Variants in AP1S3 observed in about 807,000 individuals in gnomAD.
AP1S3 encodes the protein adaptor related protein complex 1 subunit sigma 3, also known as AP-1 complex subunit sigma-3.
Under a neutral mutation model 20.9 loss-of-function variants are expected in AP1S3, and 10 were observed. The ratio of observed to expected loss-of-function variants is 0.48; its 90% CI spans 0.29 to 0.81. The LOEUF is 0.81. Among genes scored for constraint, AP1S3 ranks in the 30% least tolerant of loss-of-function variants. The pLI, the probability that AP1S3 is intolerant of heterozygous loss-of-function variation, is 0.08. For synonymous variants in AP1S3, 41 were observed against 61.5 expected, an observed-to-expected ratio of 0.67 and a Z score of 1.56; for missense variants, 154 against 183.8, an observed-to-expected ratio of 0.84 and a Z score of 0.94.
At chr2:223,791,748 G>T (rs1051544730) in intron 1 of AP1S3, among the ~76,000 whole-genome samples, 1 of 152,152 alleles carries the variant, frequency 6.6e-6, no homozygotes, top group Non-Finnish European at 1.5e-5. Context: ...AACTATCTTT[G>T]TTTGCAAATG....
chr2:223,779,258 A>G (rs1464934183), intron 1 of AP1S3, among the ~76,000 whole-genome samples: 1 of 152,192 alleles, frequency 6.6e-6, no homozygotes, highest in Non-Finnish European at 1.5e-5. Flanking sequence ...AAAACCTTGG[A>G]AGGTACAGTA....
chr2:223,830,428 G>A (rs1367922381), intron 1 of AP1S3, among the ~76,000 whole-genome samples: 5 of 148,960 alleles, frequency 3.4e-5, no homozygotes, highest in African/African-American at 1.2e-4. Context: ...GCAGTGAGCC[G>A]AGATTACGCC....
At chr2:223,784,919 T>C (rs1206871115) in intron 1 of AP1S3, among the ~76,000 whole-genome samples, 1 of 152,212 alleles carries the variant, frequency 6.6e-6, no homozygotes, top group Non-Finnish European at 1.5e-5. Context: ...AGGCATTAGA[T>C]GTTTACTACA....
At chr2:223,790,660 T>A (rs1691195938) in intron 1 of AP1S3, among the ~76,000 whole-genome samples, 1 of 152,198 alleles carries the variant, frequency 6.6e-6, no homozygotes, top group African/African-American at 2.4e-5. Flanking sequence ...AGATAGTATA[T>A]ATTTATGGTA....
Position 223,776,231 on chromosome 2 carries a change from T to A in AP1S3, c.183-222A>T, listed in dbSNP as rs1690781767. ...CTTCCATTAATTACGCATGAAAGAC[T>A]CTCAACAAAATTTTACCTTGAAGAG... On this transcript the variant is annotated intron_variant, in intron 2 of 4. Transcript: ENST00000396654. 7.9e-6 allele frequency: 5 copies of A among 635,542 alleles called. No homozygotes were observed. The Admixed American group carries it at 1.1e-4, about 14-fold the overall frequency. 39.4% of individuals were successfully genotyped at this position (635,542 alleles called of 1,614,324 possible).
At position 223,780,345 on chromosome 2, in the gene AP1S3, AGAGAGAGAGAGAGTGTGT is replaced by A. The variant is rs1487336187; in HGVS notation, c.4-2494_4-2477del. Among the ~76,000 whole-genome samples, 260 of 105,688 alleles carry A rather than the reference AGAGAGAGAGAGAGTGTGT, an allele frequency of 2.5e-3. 1 individual carries two copies. The highest frequency in any genetic ancestry group is 9.3e-3 in the African/African-American group (230 of 24,676). 69.3% of individuals were successfully genotyped at this position (105,688 alleles called of 152,430 possible). ...GAGAGAGAGAGAGAGAGAGAGAGAG[AGAGAGAGAGAGAGTGTGT>A]GTGTGTGTGTGTGTGTGTGTGTGTG... On this transcript the variant is annotated intron_variant, in intron 1 of 4. Coordinates refer to ENST00000396654, the MANE Select transcript of AP1S3 (RefSeq NM_001039569.2).
In AP1S3 at chr2:223,756,243, A is replaced by T. The variant is rs13007272; in HGVS notation, c.*2472T>A. 2.6e-5 allele frequency among the ~76,000 whole-genome samples: 4 copies of T among 152,262 alleles called. No individual in the cohort carries two copies. The East Asian group carries it at 7.7e-4, about 29-fold the overall frequency. On this transcript the variant is annotated 3_prime_UTR_variant, in exon 5 of 5. Coordinates refer to ENST00000396654, the MANE Select transcript of AP1S3 (RefSeq NM_001039569.2). ...TCCCAGCTACTCGGGAGGCTGAGGC[A>T]GGAGAATCGTTTGAACCCAGGAGAC...
Position 223,757,832 on chromosome 2 carries a change from A to G in AP1S3, c.*883T>C. ...CTTCAAATGCATTAGAGATACATTA[A>G]AACATATTTGAAATGAAATTTCCAG... On this transcript the variant is annotated 3_prime_UTR_variant, in exon 5 of 5. Transcript: ENST00000396654. 2 of 985,290 alleles carry G rather than the reference A, an allele frequency of 2.0e-6. No individual in the cohort carries two copies. The highest frequency in any genetic ancestry group is 2.4e-6 in the Non-Finnish European group (2 of 829,798). 61.0% of individuals were successfully genotyped at this position (985,290 alleles called of 1,614,324 possible). A position where few individuals can be genotyped will look rare whatever the true frequency, so the allele number is the denominator to read the frequency against.
chr2:223,837,290 G>A (rs924783048), intron 1 of AP1S3, among the ~76,000 whole-genome samples, 158 bp downstream of exon 1: 2 of 151,814 alleles, frequency 1.3e-5, no homozygotes, highest in Non-Finnish European at 2.9e-5. Context: ...CGCACCGTCT[G>A]GGGCAGCGGG....
chr2:223,818,436 G>GAAAA (rs1559144249), intron 1 of AP1S3, among the ~76,000 whole-genome samples: 7 of 148,430 alleles, frequency 4.7e-5, no homozygotes, highest in African/African-American at 1.2e-4. Flanking sequence ...AAAAAAAAAT[G>GAAAA]TCCAAGGTTC....
chr2:223,829,498 G>A (rs925995296), intron 1 of AP1S3, among the ~76,000 whole-genome samples: 23 of 152,012 alleles, frequency 1.5e-4, no homozygotes, highest in Admixed American at 1.0e-3. Flanking sequence ...AGGCCAAGGC[G>A]GGGGAGATCA....
At chr2:223,792,027 A>T (rs1691225529) in intron 1 of AP1S3, among the ~76,000 whole-genome samples, 1 of 152,228 alleles carries the variant, frequency 6.6e-6, no homozygotes, top group African/African-American at 2.4e-5. Flanking sequence ...AAAACATTCC[A>T]TTCTCATGGA....
intron 1 of AP1S3, among the ~76,000 whole-genome samples, chr2:223,792,609 A>C (rs1317279776): frequency 6.6e-6 from 1 of 152,200 alleles, no homozygotes; most frequent in Non-Finnish European, 1.5e-5. Context: ...TAAAACCAAA[A>C]CTATAGAAAC....
intron 1 of AP1S3, among the ~76,000 whole-genome samples, chr2:223,820,782 G>A (rs547450103): frequency 1.5e-4 from 23 of 151,696 alleles, no homozygotes; most frequent in African/African-American, 3.1e-4. Context: ...ACTTTTTCTC[G>A]GGAACTAGAT....
intron 4 of AP1S3, among the ~76,000 whole-genome samples, chr2:223,762,256 T>G (rs4674814): frequency 6.9e-6 from 1 of 143,900 alleles, no homozygotes; most frequent in African/African-American, 2.6e-5. Flanking sequence ...GCATGAGCCA[T>G]TGTGCCCAGC....
chr2:223,808,294 TA>T (rs1171280488), intron 1 of AP1S3, among the ~76,000 whole-genome samples: 1 of 152,094 alleles, frequency 6.6e-6, no homozygotes, highest in Non-Finnish European at 1.5e-5. Context: ...GAGGCAACAT[TA>T]ACTCGGCAGG....
At chr2:223,826,777 CCA>C (rs1692138344) in intron 1 of AP1S3, among the ~76,000 whole-genome samples, 1 of 152,018 alleles carries the variant, frequency 6.6e-6, no homozygotes, top group African/African-American at 2.4e-5. Context: ...CCTCAGTCTC[CCA>C]AGTAGCTGGG....
chr2:223,768,423 T>C (rs1316269875), intron 3 of AP1S3, among the ~76,000 whole-genome samples: 3 of 152,224 alleles, frequency 2.0e-5, no homozygotes, highest in Non-Finnish European at 4.4e-5. Context: ...CACTAGTTTC[T>C]GCTTATTGAT....
At position 223,811,436 on chromosome 2, in the gene AP1S3, G is replaced by A. The variant is rs146847152; in HGVS notation, c.3+26012C>T. On this transcript the variant is annotated intron_variant, in intron 1 of 4. Transcript: ENST00000396654. ...TACAAAAAATTAGTTGGGTGTGGTG[G>A]TGAGCACCTGTCATCCCAGCTACTC... Among the ~76,000 whole-genome samples, 1,376 of 151,850 alleles carry A rather than the reference G, an allele frequency of 9.1e-3. 38 individuals carry two copies. Among genetic ancestry groups the A allele is most frequent in the African/African-American group, 0.031 (1,301 of 41,442 alleles).
Sources: gnomAD v4.1 joint callset for allele counts (sites outside exome capture counted in the v4.1 genomes callset) on GRCh38, gnomAD v4.1.1 for gene constraint, MANE v1.5 for transcripts, NCBI Gene and HGNC (gene_info 2026-07-23, HGNC 2026-07-21) for gene names.